The following PSMD14 variants were observed in gnomAD, a reference collection of about 807,000 sequenced individuals.
The protein encoded by PSMD14 is ubiquitin C-terminal hydrolase PSMD14.
A neutral mutation model predicts 41.2 loss-of-function variants in PSMD14; 7 were observed. The observed-to-expected ratio is 0.17, with a 90% CI of 0.10 to 0.32. The LOEUF is 0.32. Ranked by LOEUF, PSMD14 falls within the 10% of genes least tolerant of loss-of-function variation. PSMD14 has a pLI of 1.00. For missense variants in PSMD14, 139 were observed against 375.6 expected (o/e 0.37, Z 5.21); for synonymous variants, 114 against 122.3 (o/e 0.93, Z 0.45).
intron 10 of PSMD14, among the ~76,000 whole-genome samples, chr2:161,396,884 G>A (rs755180195): frequency 1.3e-5 from 2 of 152,154 alleles, no homozygotes; most frequent in South Asian, 4.1e-4. Flanking sequence ...CTCAAGTGCA[G>A]TGGGGTGATC....
chr2:161,388,562 C>T (rs963453228), intron 8 of PSMD14, among the ~76,000 whole-genome samples: 7 of 152,058 alleles, frequency 4.6e-5, no homozygotes, highest in Non-Finnish European at 1.0e-4. Context: ...ACTCAGTTCT[C>T]CACTCTAGAG....
At chr2:161,363,876 G>A (rs1274540754) in intron 3 of PSMD14, among the ~76,000 whole-genome samples, 1 of 152,178 alleles carries the variant, frequency 6.6e-6, no homozygotes, top group Non-Finnish European at 1.5e-5. Context: ...GCCCCAGTGG[G>A]TGTGTGTTAT....
intron 3 of PSMD14, among the ~76,000 whole-genome samples, chr2:161,345,410 T>A (rs1431362844): frequency 2.6e-5 from 4 of 151,692 alleles, no homozygotes; most frequent in African/African-American, 9.7e-5. Flanking sequence ...GCCCGGCTAA[T>A]TTTTCTATTT....
intron 3 of PSMD14, among the ~76,000 whole-genome samples, chr2:161,359,234 A>C (rs954212795): frequency 6.6e-6 from 1 of 152,166 alleles, no homozygotes; most frequent in Non-Finnish European, 1.5e-5. Flanking sequence ...GGCCTCCCAA[A>C]GTGCTGGGAT....
chr2:161,340,436 A>G (rs1473104198), intron 3 of PSMD14, among the ~76,000 whole-genome samples: 1 of 152,024 alleles, frequency 6.6e-6, no homozygotes, highest in African/African-American at 2.4e-5. Context: ...AAGAGGGGGG[A>G]CTGGAGTGAA....
At chr2:161,331,381 G>GC (rs1019053730) in intron 3 of PSMD14, among the ~76,000 whole-genome samples, 38 of 152,072 alleles carry the variant, frequency 2.5e-4, no homozygotes, top group African/African-American at 8.7e-4. Flanking sequence ...TCCTGCCTCA[G>GC]CCTCCTGAGT....
intron 1 of PSMD14, among the ~76,000 whole-genome samples, chr2:161,314,922 C>A (rs1689130972): frequency 6.6e-6 from 1 of 152,132 alleles, no homozygotes; most frequent in Non-Finnish European, 1.5e-5. Context: ...GGGGCATATA[C>A]CAATGAGTGG....
intron 7 of PSMD14, among the ~76,000 whole-genome samples, chr2:161,372,151 T>C (rs1009062060): frequency 6.6e-6 from 1 of 152,082 alleles, no homozygotes; most frequent in Admixed American, 6.6e-5. Flanking sequence ...AGAAATTGGC[T>C]AGGTGGTTAC....
intron 10 of PSMD14, among the ~76,000 whole-genome samples, chr2:161,395,707 G>A (rs949547771): frequency 1.3e-5 from 2 of 151,956 alleles, no homozygotes; most frequent in Non-Finnish European, 2.9e-5. Flanking sequence ...TCATTAATGG[G>A]TTGAAAACCT....
At chr2:161,386,080 T>C (rs993060321) in intron 8 of PSMD14, among the ~76,000 whole-genome samples, 2 of 151,886 alleles carry the variant, frequency 1.3e-5, no homozygotes, top group Admixed American at 6.6e-5. Context: ...GATGAGAGTT[T>C]ATGTCTTGTT....
chr2:161,344,059 G>A (rs1466605277), intron 3 of PSMD14, among the ~76,000 whole-genome samples: 1 of 150,976 alleles, frequency 6.6e-6, no homozygotes, highest in Non-Finnish European at 1.5e-5. Context: ...AGTGTATGGA[G>A]GATGGGCATT....
chr2:161,320,682 T>G (rs1682561969), intron 3 of PSMD14, among the ~76,000 whole-genome samples: 1 of 152,004 alleles, frequency 6.6e-6, no homozygotes, highest in South Asian at 2.1e-4. Context: ...AAACGTTAAG[T>G]GTATTTTTTT....
At chr2:161,383,396 A>C (rs1270131275) in intron 7 of PSMD14, 1 of 152,054 alleles carries the variant, frequency 6.6e-6, no homozygotes, top group East Asian at 1.9e-4. Context: ...CAATGAAAGC[A>C]TCTCATTTTA....
At chr2:161,318,638 A>G (rs1689170736) in intron 2 of PSMD14, among the ~76,000 whole-genome samples, 184 bp from the exon 3 acceptor site, 2 of 152,182 alleles carry the variant, frequency 1.3e-5, no homozygotes, top group African/African-American at 2.4e-5. Context: ...AAGGTCTGTT[A>G]ATTAGCATGG....
intron 3 of PSMD14, among the ~76,000 whole-genome samples, chr2:161,341,763 C>T (rs1682964914): frequency 6.7e-6 from 1 of 149,514 alleles, no homozygotes; most frequent in Admixed American, 6.7e-5. Context: ...CGCTTGAACC[C>T]GGGAGGCAAA....
In PSMD14 at chr2:161,411,644, T is replaced by G; in HGVS notation, c.*244T>G. 1 of 250,598 alleles carries G rather than the reference T, an allele frequency of 4.0e-6. No homozygotes were observed. The highest frequency in any genetic ancestry group is 7.4e-5 in the East Asian group (1 of 13,560). 15.5% of individuals were successfully genotyped at this position (250,598 alleles called of 1,614,324 possible). A position where few individuals can be genotyped will look rare whatever the true frequency, so the allele number is the denominator to read the frequency against. ...TGGACAAATTTTGTTAAGATCCCATTTAATATTTGAAAAAATCAGTAGCAC... is the reference window on the plus strand; with the variant it reads ...TGGACAAATTTTGTTAAGATCCCATGTAATATTTGAAAAAATCAGTAGCAC... On this transcript the variant is annotated 3_prime_UTR_variant, in exon 12 of 12. Coordinates refer to ENST00000409682, the MANE Select transcript of PSMD14 (RefSeq NM_005805.6).
intron 11 of PSMD14, among the ~76,000 whole-genome samples, chr2:161,410,068 A>C (rs1461174807): frequency 6.6e-6 from 1 of 152,166 alleles, no homozygotes; most frequent in East Asian, 1.9e-4. Context: ...AAAAATATGT[A>C]ATTGGCAAAG....
chr2:161,340,962 C>A (rs952687152), intron 3 of PSMD14: 1 of 1,613,152 alleles, frequency 6.2e-7, no homozygotes, highest in African/African-American at 1.3e-5. Flanking sequence ...CCCCTTCTCA[C>A]CATCCAAGTC....
At chr2:161,396,093 C>T (rs925072504) in intron 10 of PSMD14, among the ~76,000 whole-genome samples, 1 of 152,246 alleles carries the variant, frequency 6.6e-6, no homozygotes, top group Non-Finnish European at 1.5e-5. Context: ...CTCATAGGCT[C>T]TGACTTTCAA....
Sources: allele counts gnomAD v4.1 joint callset (sites outside exome capture counted in the v4.1 genomes callset), GRCh38; gene constraint gnomAD v4.1.1; transcripts MANE v1.5; gene names NCBI Gene and HGNC (gene_info 2026-07-23, HGNC 2026-07-21).